Variants in RFC3 observed in about 807,000 individuals in gnomAD.
RFC3 encodes the protein replication factor C subunit 3, also known as A1 38 kDa subunit.
In RFC3, 41 loss-of-function variants were observed where a neutral mutation model predicts 45.1. That is an observed-to-expected ratio of 0.91 (90% CI 0.71 to 1.18). RFC3 has a LOEUF of 1.18. Among genes scored for constraint, RFC3 ranks in the 50% most tolerant of loss-of-function variants. The probability of loss-of-function intolerance (pLI) is 0.00; values close to 1 mark genes in which losing one functional copy is unlikely to be tolerated. For missense variants in RFC3, 423 were observed against 428.1 expected (o/e 0.99, Z 0.10); for synonymous variants, 149 against 144.0 (o/e 1.03, Z -0.25).
rs754267210 is a variant in RFC3 at position 33,835,192 on chromosome 13, G to T, written c.854G>T (p.Cys285Phe). The change falls in exon 8 of 9, where the codon TGT becomes TTT. Residue 285 changes from cysteine to phenylalanine, a missense_variant. Physicochemically the swap from Cys to Phe is radical, Grantham distance 205. Coordinates refer to ENST00000380071, the MANE Select transcript of RFC3 (RefSeq NM_002915.4). ...RGRLYELLTHCIPPEIIMKGL... is the reference protein window; with the variant it reads ...RGRLYELLTHFIPPEIIMKGL... ...AGGCTGTATGAGCTTCTAACTCATT[G>T]TATTCCTCCTGAGATAATAATGAAG... The T allele has an allele frequency of 1.9e-6, 3 of 1,610,038 alleles. No homozygotes were observed. In the African/African-American group the frequency reaches 4.0e-5, roughly 22 times the overall value.
intron 8 of RFC3, among the ~76,000 whole-genome samples, chr13:33,858,599 A>G (rs1437731639): frequency 6.6e-6 from 1 of 152,174 alleles, no homozygotes; most frequent in African/African-American, 2.4e-5. Flanking sequence ...AAGATTTCCT[A>G]GAGGCACCTG....
At chr13:33,942,415 T>C (rs944777716) in intron 8 of RFC3, among the ~76,000 whole-genome samples, 5 of 152,168 alleles carry the variant, frequency 3.3e-5, no homozygotes, top group African/African-American at 1.2e-4. Context: ...AATAATCAAA[T>C]CAGGGTAATT....
chr13:33,822,077 CAG>C (rs1391578421), intron 2 of RFC3, among the ~76,000 whole-genome samples: 1 of 152,226 alleles, frequency 6.6e-6, no homozygotes, highest in Non-Finnish European at 1.5e-5. Flanking sequence ...GTGCTATAAA[CAG>C]AATCTTCAGG....
chr13:33,973,484 A>G, the RFC3 span, among the ~76,000 whole-genome samples: 2 of 152,152 alleles, frequency 1.3e-5, no homozygotes, highest in Non-Finnish European at 2.9e-5. Context: ...TGGCATACCT[A>G]GCAACGAGTG....
chr13:33,850,837 G>A (rs1452402217), intron 8 of RFC3: 1 of 152,088 alleles, frequency 6.6e-6, no homozygotes, highest in Non-Finnish European at 1.5e-5. Flanking sequence ...GTGCTCATGA[G>A]TCACAACTTT....
intron 8 of RFC3, chr13:33,850,443 G>T (rs1488346307): frequency 8.2e-6 from 1 of 121,270 alleles, no homozygotes; most frequent in African/African-American, 3.0e-5. Flanking sequence ...CATACAACAG[G>T]TTATGATTAG....
chr13:33,917,312 C>A lies in RFC3; in HGVS notation c.880-48775C>A, dbSNP rs529757590. Among the ~76,000 whole-genome samples the A allele has an allele frequency of 6.6e-5, 10 of 152,178 alleles. No individual in the cohort carries two copies. The East Asian group carries it at 1.9e-3, about 30-fold the overall frequency. The stretch of plus-strand genomic sequence containing the variant: ...CAAACAGAGTAGACTTTTAAATAAG[C>A]CAGAGCCTTAGCTTCCAGAAAGATA... On this transcript the variant is annotated intron_variant, in intron 8 of 8. Coordinates refer to the RFC3 transcript ENST00000434425.
chr13:33,840,595 TG>T (rs1444194724), downstream of RFC3, among the ~76,000 whole-genome samples: 2 of 36,146 alleles, frequency 5.5e-5, no homozygotes, highest in Non-Finnish European at 2.2e-4. Context: ...TTTTTTTGTG[TG>T]TGTTTTTTTT....
At chr13:33,879,161 T>A (rs1281587874) in intron 8 of RFC3, among the ~76,000 whole-genome samples, 1 of 152,148 alleles carries the variant, frequency 6.6e-6, no homozygotes, top group Non-Finnish European at 1.5e-5. Flanking sequence ...AGAAACACAT[T>A]AAACCAAAAA....
intron 8 of RFC3, among the ~76,000 whole-genome samples, chr13:33,883,284 A>T (rs2082497344): frequency 6.6e-6 from 1 of 152,240 alleles, no homozygotes; most frequent in Non-Finnish European, 1.5e-5. Flanking sequence ...GAATATGGAC[A>T]TGGAAAATGA....
rs182236739 is a variant in RFC3 at position 33,924,618 on chromosome 13, A to G, written c.880-41469A>G. 1.8e-3 allele frequency among the ~76,000 whole-genome samples: 268 copies of G among 150,042 alleles called. 4 individuals carry two copies. Among genetic ancestry groups the G allele is most frequent in the Admixed American group, 0.017 (254 of 14,910 alleles). On this transcript the variant is annotated intron_variant, in intron 8 of 8. Coordinates refer to the RFC3 transcript ENST00000434425. ...TGATTATATATATATATGTAAATAT[A>G]TATACACACCATCATTTATTGATAT...
intron 8 of RFC3, among the ~76,000 whole-genome samples, chr13:33,934,534 T>G (rs1208290176): frequency 6.6e-6 from 1 of 152,090 alleles, no homozygotes; most frequent in Non-Finnish European, 1.5e-5. Context: ...AATCAGTTAC[T>G]ACCAGATCCT....
At chr13:33,972,639 T>TA in the RFC3 span, among the ~76,000 whole-genome samples, 1 of 152,308 alleles carries the variant, frequency 6.6e-6, no homozygotes, top group Non-Finnish European at 1.5e-5. Context: ...CCAAACTCTG[T>TA]ACCTGCAAGA....
chr13:33,926,520 GC>G (rs1433780635), intron 8 of RFC3, among the ~76,000 whole-genome samples: 1 of 151,962 alleles, frequency 6.6e-6, no homozygotes, highest in Admixed American at 6.6e-5. Context: ...TTATGTATTA[GC>G]CCATTCCCAG....
In RFC3 at chr13:33,880,760, A is replaced by T. The variant is rs76846274; in HGVS notation, c.879+45543A>T. On this transcript the variant is annotated intron_variant, in intron 8 of 8. Coordinates refer to the RFC3 transcript ENST00000434425. ...TGTGTGTATAGGTGTGCACATACAG[A>T]TGTGCACGCATTATAAGATGTTAGT... Among the ~76,000 whole-genome samples, 142 of 152,292 alleles carry T rather than the reference A, an allele frequency of 9.3e-4. 2 individuals are homozygous for T. In the East Asian group the frequency reaches 0.02, roughly 21 times the overall value.
intron 8 of RFC3, among the ~76,000 whole-genome samples, chr13:33,926,678 G>A (rs1305345928): frequency 2.6e-5 from 4 of 151,474 alleles, no homozygotes; most frequent in South Asian, 2.1e-4. Context: ...TCTTAATTTT[G>A]TGGTACTCTA....
Position 33,836,218 on chromosome 13 carries a change from T to C in RFC3, c.994T>C (p.Leu332=), listed in dbSNP as rs775756105. The C allele has an allele frequency of 6.2e-7, 1 of 1,613,432 alleles. No individual in the cohort carries two copies. The highest frequency in any genetic ancestry group is 1.1e-5 in the South Asian group (1 of 91,070). Residue 332 remains leucine, a synonymous_variant, in exon 9 of 9, where the codon TTG becomes CTG. Coordinates refer to ENST00000380071, the MANE Select transcript of RFC3 (RefSeq NM_002915.4). The part of the protein sequence containing the change: ...LQLGSKAIYH[L]EAFVAKFMAL... ...GCTGGGTAGCAAAGCCATTTATCAC[T>C]TGGAAGCGTTTGTGGCCAAATTCAT...
At chr13:33,834,336 A>ATATATATATACACATACAT (rs2082133174) in intron 7 of RFC3, among the ~76,000 whole-genome samples, 3 of 135,028 alleles carry the variant, frequency 2.2e-5, no homozygotes, top group Non-Finnish European at 3.1e-5. Flanking sequence ...ATATATCTGT[A>ATATATATATACACATACAT]CTGTAAAAAT....
intron 1 of RFC3, among the ~76,000 whole-genome samples, chr13:33,820,913 T>A (rs200048488): frequency 3.1e-5 from 4 of 130,144 alleles, no homozygotes; most frequent in Admixed American, 7.8e-5. Flanking sequence ...ATATATATAT[T>A]TATATATATA....
Sources: allele counts gnomAD v4.1 joint callset (sites outside exome capture counted in the v4.1 genomes callset), GRCh38; gene constraint gnomAD v4.1.1; transcripts MANE v1.5; gene names NCBI Gene and HGNC (gene_info 2026-07-23, HGNC 2026-07-21).